Variants in FAM107B observed in about 807,000 individuals in gnomAD.
FAM107B encodes the protein protein FAM107B.
In FAM107B, 21 loss-of-function variants were observed where a neutral mutation model predicts 31.5. The ratio of observed to expected loss-of-function variants is 0.67; its 90% CI spans 0.47 to 0.96. The LOEUF is 0.96. FAM107B is among the 40% of genes least tolerant of loss of function. The pLI is 0.00. For synonymous variants in FAM107B, 157 were observed against 141.5 expected (o/e 1.11, Z -0.78); for missense variants, 452 against 377.1 (o/e 1.20, Z -1.64).
chr10:14,621,945 A>C (rs4750542), intron 2 of FAM107B, among the ~76,000 whole-genome samples: 8 of 152,000 alleles, frequency 5.3e-5, no homozygotes, highest in African/African-American at 1.7e-4. Context: ...AATATGTTCA[A>C]GTTGCTCTGT....
At chr10:14,552,431 T>C (rs1849342008) in intron 2 of FAM107B, among the ~76,000 whole-genome samples, 1 of 151,480 alleles carries the variant, frequency 6.6e-6, no homozygotes, top group Admixed American at 6.6e-5. Context: ...ACGCACTTTA[T>C]CTATATACAG....
intron 1 of FAM107B, among the ~76,000 whole-genome samples, chr10:14,746,413 T>C (rs911540381): frequency 1.3e-5 from 2 of 152,164 alleles, no homozygotes; most frequent in Non-Finnish European, 2.9e-5. Context: ...TTTCAGTGAG[T>C]TTTTGCAGTG....
chr10:14,669,896 T>C (rs1338458265), intron 1 of FAM107B, among the ~76,000 whole-genome samples: 1 of 152,196 alleles, frequency 6.6e-6, no homozygotes, highest in African/African-American at 2.4e-5. Flanking sequence ...CAACAATGTA[T>C]TGCATATTTC....
intron 1 of FAM107B, among the ~76,000 whole-genome samples, chr10:14,683,875 G>A (rs1854910432): frequency 1.3e-5 from 2 of 152,182 alleles, no homozygotes; most frequent in Non-Finnish European, 2.9e-5. Flanking sequence ...ATGTCCCCCG[G>A]CCTTAAGCTG....
At chr10:14,744,421 G>A (rs1832684894) in intron 1 of FAM107B, among the ~76,000 whole-genome samples, 1 of 152,086 alleles carries the variant, frequency 6.6e-6, no homozygotes, top group Admixed American at 6.6e-5. Flanking sequence ...TCCTTGTCTT[G>A]GGCCAGTTTT....
In FAM107B at chr10:14,664,491, G is replaced by A. The variant is rs186710900; in HGVS notation, c.469+3143C>T. Among the ~76,000 whole-genome samples the A allele has an allele frequency of 5.5e-4, 84 of 152,270 alleles. 1 individual carries two copies. The South Asian group carries it at 6.4e-3, about 12-fold the overall frequency. ...TATTTTTTACTGTACCTCTTTTATG[G>A]TGAGATATGTTTAGATACACAAATA... On this transcript the variant is annotated intron_variant, in intron 2 of 4. Coordinates refer to ENST00000181796, the MANE Select transcript of FAM107B (RefSeq NM_031453.4).
chr10:14,680,915 A>G (rs1774206162), intron 1 of FAM107B, among the ~76,000 whole-genome samples: 1 of 151,998 alleles, frequency 6.6e-6, no homozygotes, highest in African/African-American at 2.4e-5. Flanking sequence ...TCCCTAATCA[A>G]CATTATACCT....
chr10:14,693,885 TA>T (rs1855204177), intron 1 of FAM107B, among the ~76,000 whole-genome samples: 1 of 152,234 alleles, frequency 6.6e-6, no homozygotes, highest in South Asian at 2.1e-4. Flanking sequence ...TTTCCACATG[TA>T]AGTGAGGTAA....
chr10:14,674,449 AC>A (rs1854632318), intron 1 of FAM107B, among the ~76,000 whole-genome samples: 1 of 152,064 alleles, frequency 6.6e-6, no homozygotes, highest in African/African-American at 2.4e-5. Context: ...TTGCTTATGC[AC>A]CCTTTATAAT....
In FAM107B at chr10:14,654,952, TCTGCATTGCTATAAAGAAATACCTGAGG is replaced by T. The variant is rs1412149097; in HGVS notation, c.469+12654_469+12681del. 5.3e-5 allele frequency among the ~76,000 whole-genome samples: 8 copies of T among 152,304 alleles called. No homozygotes were observed. The South Asian group carries it at 1.5e-3, about 28-fold the overall frequency. ...TCTGTGGGGTAGTGTCTCAGTTCAT[TCTGCATTGCTATAAAGAAATACCTGAGG>T]CTGGGTAATTCATAAAGGAAAGAGG... On this transcript the variant is annotated intron_variant, in intron 2 of 4. Coordinates refer to ENST00000181796, the MANE Select transcript of FAM107B (RefSeq NM_031453.4).
At chr10:14,562,409 G>T (rs1850320531) in intron 2 of FAM107B, among the ~76,000 whole-genome samples, 2 of 152,226 alleles carry the variant, frequency 1.3e-5, no homozygotes, top group African/African-American at 4.8e-5. Context: ...AGAAGTCAGT[G>T]ATAATGTCTT....
intron 1 of FAM107B, among the ~76,000 whole-genome samples, chr10:14,737,387 C>T (rs888130763): frequency 2.0e-5 from 3 of 151,922 alleles, no homozygotes; most frequent in Non-Finnish European, 4.4e-5. Flanking sequence ...TCGAGGTGGG[C>T]GGATTGCCTG....
At chr10:14,736,048 A>G (rs1856292595) in intron 1 of FAM107B, among the ~76,000 whole-genome samples, 1 of 152,172 alleles carries the variant, frequency 6.6e-6, no homozygotes, top group Non-Finnish European at 1.5e-5. Flanking sequence ...GGGAAAAGGG[A>G]AAAGAAGAGG....
chr10:14,592,430 T>C (rs888590852), intron 2 of FAM107B, among the ~76,000 whole-genome samples: 2 of 152,120 alleles, frequency 1.3e-5, no homozygotes, highest in African/African-American at 2.4e-5. Context: ...AGTCAATTTA[T>C]CACGTGAATC....
chr10:14,580,308 C>G (rs569667242), intron 2 of FAM107B, among the ~76,000 whole-genome samples: 1 of 151,488 alleles, frequency 6.6e-6, no homozygotes, highest in Non-Finnish European at 1.5e-5. Flanking sequence ...TGCAGTGAGC[C>G]GAGATCATGC....
chr10:14,543,515 G>A (rs551728667), intron 2 of FAM107B, among the ~76,000 whole-genome samples: 183 of 151,874 alleles, frequency 1.2e-3, no homozygotes, highest in Non-Finnish European at 2.1e-3. Context: ...AAATCAGCCC[G>A]TTCTCCAGGC....
At chr10:14,532,533 G>A (rs1847129776) in intron 2 of FAM107B, 3 of 152,230 alleles carry the variant, frequency 2.0e-5, no homozygotes, top group South Asian at 4.1e-4. Context: ...TAGTTGCATT[G>A]CTCTTTTAAC....
At chr10:14,773,218 C>T (rs1416590877) in intron 1 of FAM107B, among the ~76,000 whole-genome samples, 1 of 152,166 alleles carries the variant, frequency 6.6e-6, no homozygotes, top group African/African-American at 2.4e-5. Flanking sequence ...TTCATATAAA[C>T]CTGCAGGGTG....
Position 14,665,876 on chromosome 10 carries a change from T to A in FAM107B, c.469+1758A>T, listed in dbSNP as rs570638236. Among the ~76,000 whole-genome samples, 11 of 152,322 alleles carry A rather than the reference T, an allele frequency of 7.2e-5. No individual in the cohort carries two copies. In the South Asian group the frequency reaches 2.3e-3, roughly 32 times the overall value. The stretch of plus-strand genomic sequence containing the variant: ...TGATTTCTCATATTGCGAACATAAT[T>A]TGTTGTCTTGAGGGCAAGTGCCATG... On this transcript the variant is annotated intron_variant, in intron 2 of 4. Transcript: ENST00000181796.
Sources: allele counts gnomAD v4.1 joint callset (sites outside exome capture counted in the v4.1 genomes callset), GRCh38; gene constraint gnomAD v4.1.1; transcripts MANE v1.5; gene names NCBI Gene and HGNC (gene_info 2026-07-23, HGNC 2026-07-21).